The following NEGR1 variants were observed in gnomAD, a reference collection of about 807,000 sequenced individuals.
NEGR1 encodes the protein IgLON family member 4.
Under a neutral mutation model 40.9 loss-of-function variants are expected in NEGR1, and 10 were observed. That is an observed-to-expected ratio of 0.24 (90% CI 0.15 to 0.42). NEGR1 has a LOEUF of 0.42. NEGR1 is among the 10% of genes least tolerant of loss of function. NEGR1 has a pLI of 1.00. For synonymous variants in NEGR1, 185 were observed against 166.8 expected (o/e 1.11, Z -0.84); for missense variants, 352 against 438.9 (o/e 0.80, Z 1.77).
chr1:71,538,107 A>G (rs533068454), intron 6 of NEGR1, among the ~76,000 whole-genome samples: 14 of 151,710 alleles, frequency 9.2e-5, no homozygotes, highest in Non-Finnish European at 1.9e-4. Flanking sequence ...AAAATAAGGT[A>G]TCATGTAAAA....
intron 1 of NEGR1, among the ~76,000 whole-genome samples, chr1:72,122,830 A>G (rs1649853645): frequency 6.6e-6 from 1 of 151,962 alleles, no homozygotes; most frequent in African/African-American, 2.4e-5. Flanking sequence ...ACCCTAACAT[A>G]AAACAGTGAG....
At chr1:71,539,130 A>G (rs887462105) in intron 6 of NEGR1, among the ~76,000 whole-genome samples, 3 of 151,712 alleles carry the variant, frequency 2.0e-5, no homozygotes, top group African/African-American at 7.2e-5. Flanking sequence ...CAATTATTCA[A>G]TGGAGATAAT....
rs528857972 is a variant in NEGR1 at position 71,999,632 on chromosome 1, AATATATATATATATATATATATATATAT to A, written c.177-64349_177-64322del. Among the ~76,000 whole-genome samples, 28 of 48,364 alleles carry A rather than the reference AATATATATATATATATATATATATATAT, an allele frequency of 5.8e-4. 2 individuals are homozygous for A. In the East Asian group the frequency reaches 6.3e-3, roughly 11 times the overall value. 31.7% of individuals were successfully genotyped at this position (48,364 alleles called of 152,430 possible). A position where few individuals can be genotyped will look rare whatever the true frequency, so the allele number is the denominator to read the frequency against. On this transcript the variant is annotated intron_variant, in intron 1 of 6. Coordinates refer to ENST00000357731, the MANE Select transcript of NEGR1 (RefSeq NM_173808.3). ...ATGTATTTGCATCTTGAGCAAAGCA[AATATATATATATATATATATATATATAT>A]ATATATATATATATATATACATACA...
chr1:71,427,114 C>T (rs1646433779), intron 6 of NEGR1, among the ~76,000 whole-genome samples: 1 of 152,198 alleles, frequency 6.6e-6, no homozygotes, highest in Non-Finnish European at 1.5e-5. Flanking sequence ...TGTATGCATG[C>T]TCACGTTGGA....
intron 1 of NEGR1, among the ~76,000 whole-genome samples, chr1:71,942,479 ATATATTTTTTTTTTTTTTTTTTT>A (rs1557446347): frequency 2.4e-4 from 4 of 16,420 alleles, no homozygotes; most frequent in African/African-American, 8.0e-4. Flanking sequence ...ATATATATAT[ATATATTTTTTTTTTTTTTTTTTT>A]TTTTTTTTTT....
At chr1:72,146,722 G>T (rs1557549862) in intron 1 of NEGR1, among the ~76,000 whole-genome samples, 1 of 152,134 alleles carries the variant, frequency 6.6e-6, no homozygotes, top group Non-Finnish European at 1.5e-5. Flanking sequence ...ATCAAATTCA[G>T]ATACATTTCA....
chr1:72,049,742 T>C (rs1569878446), intron 1 of NEGR1, among the ~76,000 whole-genome samples: 2 of 151,574 alleles, frequency 1.3e-5, no homozygotes, highest in Non-Finnish European at 3.0e-5. Context: ...TAAGCACCAT[T>C]TTTTACTCAT....
At chr1:72,052,075 C>A (rs988170040) in intron 1 of NEGR1, among the ~76,000 whole-genome samples, 1 of 151,228 alleles carries the variant, frequency 6.6e-6, no homozygotes, top group African/African-American at 2.4e-5. Context: ...CAGATAGAAC[C>A]CTGTGACACT....
At chr1:71,521,109 C>G (rs1647154069) in intron 6 of NEGR1, among the ~76,000 whole-genome samples, 1 of 151,964 alleles carries the variant, frequency 6.6e-6, no homozygotes, top group Non-Finnish European at 1.5e-5. Context: ...GAGCTTATTT[C>G]CCAGAGACTC....
intron 4 of NEGR1, among the ~76,000 whole-genome samples, chr1:71,627,137 C>G (rs919589388): frequency 6.6e-6 from 1 of 152,034 alleles, no homozygotes; most frequent in African/African-American, 2.4e-5. Flanking sequence ...CCAGCCATCC[C>G]ATTACTGGGT....
At chr1:71,925,730 A>G (rs1048237848) in intron 2 of NEGR1, among the ~76,000 whole-genome samples, 24 of 34,074 alleles carry the variant, frequency 7.0e-4, no homozygotes, top group African/African-American at 6.2e-3. Flanking sequence ...TGATTTGGGA[A>G]AAAAAAAAAG....
At chr1:71,675,550 C>CAG (rs1030687965) in intron 4 of NEGR1, among the ~76,000 whole-genome samples, 20 of 149,782 alleles carry the variant, frequency 1.3e-4, no homozygotes, top group South Asian at 4.2e-4. Context: ...GAAAGACAGA[C>CAG]AGAGAGAGAG....
intron 4 of NEGR1, among the ~76,000 whole-genome samples, chr1:71,614,292 T>A (rs1410134779): frequency 6.6e-6 from 1 of 151,952 alleles, no homozygotes; most frequent in Non-Finnish European, 1.5e-5. Context: ...ATAACTTTTA[T>A]AATGTACATA....
At chr1:72,065,753 T>G (rs572329911) in intron 1 of NEGR1, among the ~76,000 whole-genome samples, 74 of 152,270 alleles carry the variant, frequency 4.9e-4, no homozygotes, top group African/African-American at 1.7e-3. Flanking sequence ...GTAAGAATTC[T>G]TATTTTGCAT....
intron 1 of NEGR1, among the ~76,000 whole-genome samples, chr1:72,232,133 A>C (rs1437240610): frequency 6.6e-6 from 1 of 152,026 alleles, no homozygotes; most frequent in African/African-American, 2.4e-5. Flanking sequence ...AGGCGGGCGG[A>C]TCACAAGGTC....
chr1:72,268,566 A>G (rs953918882), intron 1 of NEGR1, among the ~76,000 whole-genome samples: 1 of 151,496 alleles, frequency 6.6e-6, no homozygotes, highest in African/African-American at 2.4e-5. Flanking sequence ...CAGGGACTCA[A>G]TGCATAAATG....
chr1:71,976,516 C>T (rs1318506494), intron 1 of NEGR1, among the ~76,000 whole-genome samples: 1 of 152,160 alleles, frequency 6.6e-6, no homozygotes, highest in African/African-American at 2.4e-5. Context: ...ATAAGTGAAT[C>T]TGATTGAGGG....
chr1:72,203,432 A>T (rs983549592), intron 1 of NEGR1, among the ~76,000 whole-genome samples: 6 of 152,114 alleles, frequency 3.9e-5, no homozygotes, highest in African/African-American at 1.2e-4. Flanking sequence ...TGAAGGTATG[A>T]CTGAATTGCT....
rs186868557 is a variant in NEGR1, at chr1:72,242,117, T to C, written c.176+40202A>G. Reference sequence around the variant, plus strand: ...TGGTGAAATTATGGTGTCATTATCATAGAATATCCTTGATGCTAAATTATT... The same window carrying C: ...TGGTGAAATTATGGTGTCATTATCACAGAATATCCTTGATGCTAAATTATT... On this transcript the variant is annotated intron_variant, in intron 1 of 6. Transcript: ENST00000357731. Among the ~76,000 whole-genome samples the C allele has an allele frequency of 9.9e-5, 15 of 151,878 alleles. No homozygotes were observed. The East Asian group carries it at 1.9e-3, about 20-fold the overall frequency.
Sources: gnomAD v4.1 joint callset for allele counts (sites outside exome capture counted in the v4.1 genomes callset) on GRCh38, gnomAD v4.1.1 for gene constraint, MANE v1.5 for transcripts, NCBI Gene and HGNC (gene_info 2026-07-23, HGNC 2026-07-21) for gene names.